PRMT3: variants seen among roughly 807,000 people sequenced by gnomAD.
The protein encoded by PRMT3 is protein arginine methyltransferase 3, also known as protein arginine N-methyltransferase 3.
A neutral mutation model predicts 71.9 loss-of-function variants in PRMT3; 62 were observed. The observed-to-expected ratio is 0.86, with a 90% CI of 0.70 to 1.07. PRMT3 has a LOEUF of 1.07. Among genes scored for constraint, PRMT3 ranks in the 50% least tolerant of loss-of-function variants. PRMT3 has a pLI of 0.00. For synonymous variants in PRMT3, 213 were observed against 220.4 expected, an observed-to-expected ratio of 0.97 and a Z score of 0.30; for missense variants, 663 against 643.0, an observed-to-expected ratio of 1.03 and a Z score of -0.34.
intron 13 of PRMT3, among the ~76,000 whole-genome samples, chr11:20,468,032 A>AT (rs796641152): frequency 3.0e-4 from 45 of 152,346 alleles, no homozygotes; most frequent in African/African-American, 1.0e-3. Flanking sequence ...CCATAACAAA[A>AT]GTATTAAAAA....
At position 20,387,795 on chromosome 11, in the gene PRMT3, G is replaced by GC; in HGVS notation, c.28+22dup. 1 of 1,541,652 alleles carries GC rather than the reference G, an allele frequency of 6.5e-7. No individual in the cohort carries two copies. Among genetic ancestry groups the GC allele is most frequent in the Non-Finnish European group, 8.7e-7 (1 of 1,146,276 alleles). ...TACCGGTGGGTACCCTGGCCCCTCA[G>GC]CACCCGGCTCGTCCAGCCCCAGGCC... On this transcript the variant is annotated intron_variant, in intron 1 of 15. Transcript: ENST00000331079. The surrounding 1 kb of genome is among the most constrained non-coding windows in gnomAD (Gnocchi z 4.3).
At chr11:20,496,321 G>C (rs774787190) in intron 15 of PRMT3, among the ~76,000 whole-genome samples, 2 of 152,084 alleles carry the variant, frequency 1.3e-5, no homozygotes, top group Non-Finnish European at 2.9e-5. Flanking sequence ...AGGAGGCTGA[G>C]GCCAGAAGTT....
intron 13 of PRMT3, among the ~76,000 whole-genome samples, chr11:20,482,058 G>A (rs1485774797): frequency 1.3e-5 from 2 of 152,062 alleles, no homozygotes; most frequent in Non-Finnish European, 2.9e-5. Context: ...AACCTAGTCA[G>A]AGAGAATGCA....
chr11:20,392,345 A>G (rs1481701275), intron 4 of PRMT3, 85 bp downstream of exon 4: 1 of 1,363,532 alleles, frequency 7.3e-7, no homozygotes, highest in Admixed American at 2.6e-5. Flanking sequence ...ATTTAAAAGA[A>G]TATGAGGAAC....
At chr11:20,409,017 A>C (rs774306682) in intron 9 of PRMT3, among the ~76,000 whole-genome samples, 1 of 152,110 alleles carries the variant, frequency 6.6e-6, no homozygotes, top group Non-Finnish European at 1.5e-5. Context: ...GGATTGATAG[A>C]CCTGGGGAAG....
At chr11:20,436,241 A>G (rs1289078663) in intron 10 of PRMT3, among the ~76,000 whole-genome samples, 2 of 152,214 alleles carry the variant, frequency 1.3e-5, no homozygotes, top group Non-Finnish European at 2.9e-5. Flanking sequence ...GTCGTCTTCA[A>G]ACAGGAACAA....
At chr11:20,473,975 T>C (rs1339100306) in intron 13 of PRMT3, among the ~76,000 whole-genome samples, 1 of 152,224 alleles carries the variant, frequency 6.6e-6, no homozygotes, top group Non-Finnish European at 1.5e-5. Context: ...CCTAGTTGCC[T>C]CAGTTTTTCC....
At chr11:20,406,152 G>A (rs985045834) in intron 8 of PRMT3, 1 of 152,160 alleles carries the variant, frequency 6.6e-6, no homozygotes, top group African/African-American at 2.4e-5. Flanking sequence ...GATATAAAAT[G>A]GTGTAGTGTT....
intron 13 of PRMT3, among the ~76,000 whole-genome samples, chr11:20,475,841 A>T (rs1415306936): frequency 6.6e-6 from 1 of 151,280 alleles, no homozygotes; most frequent in East Asian, 2.0e-4. Flanking sequence ...TTTAGTAGAG[A>T]TGTATTTTGT....
At chr11:20,408,984 C>T (rs1371663570) in intron 9 of PRMT3, among the ~76,000 whole-genome samples, 1 of 152,028 alleles carries the variant, frequency 6.6e-6, no homozygotes, top group Non-Finnish European at 1.5e-5. Context: ...GTAATTCCAC[C>T]TACTTGGGAG....
rs573046484 is a variant in PRMT3, at chr11:20,508,555, A to G, written c.*142A>G. The G allele has an allele frequency of 1.2e-3, 825 of 712,618 alleles. 5 individuals carry two copies. Among genetic ancestry groups the G allele is most frequent in the Non-Finnish European group, 6.7e-4 (259 of 387,368 alleles). 44.1% of individuals were successfully genotyped at this position (712,618 alleles called of 1,614,324 possible). On this transcript the variant is annotated 3_prime_UTR_variant, in exon 16 of 16. Coordinates refer to ENST00000331079, the MANE Select transcript of PRMT3 (RefSeq NM_005788.4). ...CCTCCTCAATAAGAGAGAAGTTCTC[A>G]TTGTGGGAATCTGACATAGTTCAGC...
chr11:20,498,362 T>C (rs1342396906), intron 15 of PRMT3, among the ~76,000 whole-genome samples: 1 of 152,188 alleles, frequency 6.6e-6, no homozygotes, highest in East Asian at 1.9e-4. Flanking sequence ...TGATAACTTT[T>C]TAAAATTTTA....
At chr11:20,392,543 G>T (rs1176900901) in intron 4 of PRMT3, among the ~76,000 whole-genome samples, 3 of 151,670 alleles carry the variant, frequency 2.0e-5, no homozygotes, top group Non-Finnish European at 4.4e-5. Flanking sequence ...GACAGGATCT[G>T]TAAAATCAGA....
intron 9 of PRMT3, among the ~76,000 whole-genome samples, chr11:20,420,110 T>G (rs533070205): frequency 8.5e-5 from 13 of 152,266 alleles, no homozygotes; most frequent in Admixed American, 2.6e-4. Context: ...AGGCGGAGGT[T>G]GCAGTGAGCT....
chr11:20,450,355 A>G lies in PRMT3; in HGVS notation c.994-1775A>G, dbSNP rs141072401. On this transcript the variant is annotated intron_variant, in intron 10 of 15. Transcript: ENST00000331079. ...TCCTTGGCATAAATTATAATTCACTATAAGCAACAGTTGAATGCCTATTTA... is the reference window on the plus strand; with the variant it reads ...TCCTTGGCATAAATTATAATTCACTGTAAGCAACAGTTGAATGCCTATTTA... Among the ~76,000 whole-genome samples the G allele has an allele frequency of 3.3e-5, 5 of 152,218 alleles. No homozygotes were observed. In the East Asian group the frequency reaches 9.6e-4, roughly 29 times the overall value.
At chr11:20,421,325 A>T (rs1212788165) in intron 9 of PRMT3, among the ~76,000 whole-genome samples, 1 of 152,196 alleles carries the variant, frequency 6.6e-6, no homozygotes, top group African/African-American at 2.4e-5. Context: ...AGCATGAGCC[A>T]CCACTCCTGG....
intron 13 of PRMT3, among the ~76,000 whole-genome samples, chr11:20,471,302 C>T (rs1590088878): frequency 6.6e-6 from 1 of 152,136 alleles, no homozygotes; most frequent in East Asian, 1.9e-4. Flanking sequence ...TGCCTATGTC[C>T]TTAGTAGTAT....
intron 13 of PRMT3, among the ~76,000 whole-genome samples, chr11:20,481,262 T>TAAA (rs11451315): frequency 5.0e-4 from 74 of 147,320 alleles, no homozygotes; most frequent in South Asian, 1.3e-3. Flanking sequence ...AGCATTCAGG[T>TAAA]AAAAAAAAAA....
At chr11:20,449,209 G>A (rs1490628576) in intron 10 of PRMT3, among the ~76,000 whole-genome samples, 1 of 152,078 alleles carries the variant, frequency 6.6e-6, no homozygotes, top group African/African-American at 2.4e-5. Flanking sequence ...TGTCTTATTA[G>A]TTCTATATAT....
Sources: gnomAD v4.1 joint callset for allele counts (sites outside exome capture counted in the v4.1 genomes callset) on GRCh38, gnomAD v4.1.1 for gene constraint, Gnocchi (gnomAD v3.1) non-coding constraint, MANE v1.5 for transcripts, NCBI Gene and HGNC (gene_info 2026-07-23, HGNC 2026-07-21) for gene names.